The following VRK3 variants were observed in gnomAD, a reference collection of about 807,000 sequenced individuals.
VRK3 encodes serine/threonine-protein kinase VRK3.
Under a neutral mutation model 60.4 loss-of-function variants are expected in VRK3, and 50 were observed. That is an observed-to-expected ratio of 0.83 (90% CI 0.66 to 1.05). The LOEUF is 1.05. VRK3 is among the 50% of genes least tolerant of loss of function. The probability of loss-of-function intolerance (pLI) is 0.00; values close to 1 mark genes in which losing one functional copy is unlikely to be tolerated. For synonymous variants in VRK3, 246 were observed against 227.8 expected, an observed-to-expected ratio of 1.08 and a Z score of -0.72; for missense variants, 549 against 585.3, an observed-to-expected ratio of 0.94 and a Z score of 0.64.
intron 3 of VRK3, among the ~76,000 whole-genome samples, chr19:50,009,967 T>C (rs971273603): frequency 7.2e-5 from 11 of 152,086 alleles, no homozygotes; most frequent in Non-Finnish European, 1.5e-4. Context: ...TTAAAATCTA[T>C]CTTCCAGTTA....
At chr19:50,009,685 G>C (rs1414734761) in intron 3 of VRK3, among the ~76,000 whole-genome samples, 1 of 152,116 alleles carries the variant, frequency 6.6e-6, no homozygotes, top group African/African-American at 2.4e-5. Context: ...CCAGGCTGGA[G>C]TGCAGTGGTG....
intron 5 of VRK3, chr19:50,001,176 G>T (rs1041190888): frequency 3.9e-6 from 1 of 255,000 alleles, no homozygotes; most frequent in Non-Finnish European, 7.6e-6. Flanking sequence ...TAAACTGCTT[G>T]TGCAATCACT....
chr19:49,981,912 G>C (rs1055728789), intron 12 of VRK3: 1 of 845,068 alleles, frequency 1.2e-6, no homozygotes, highest in Non-Finnish European at 1.7e-6. Context: ...AAGCAGGCTC[G>C]ACTTCAGGAG....
rs759981552 is a variant in VRK3, at chr19:49,997,486, C to A, written c.679+18G>T. The stretch of plus-strand genomic sequence containing the variant: ...CCCCCCTCACTCTCCCCTCCTTGCC[C>A]AGTTCCCTGTCAGGTACCTTGCAGA... On this transcript the variant is annotated intron_variant, in intron 7 of 14. Coordinates refer to ENST00000316763, the MANE Select transcript of VRK3 (RefSeq NM_016440.4). The A allele has an allele frequency of 6.2e-7, 1 of 1,613,466 alleles. No homozygotes were observed. Among genetic ancestry groups the A allele is most frequent in the South Asian group, 1.1e-5 (1 of 90,980 alleles).
rs538087474 is a variant in VRK3, at chr19:50,014,928, G to A, written c.139+1096C>T. ...GCAAGAAGGCTTCTGCATAAGAGAG[G>A]TGAGGACCAGGGATGTGGGAGGTGC... On this transcript the variant is annotated intron_variant, in intron 3 of 14. Coordinates refer to ENST00000316763, the MANE Select transcript of VRK3 (RefSeq NM_016440.4). 7.9e-5 allele frequency among the ~76,000 whole-genome samples: 12 copies of A among 152,272 alleles called. No individual in the cohort carries two copies. In the South Asian group the frequency reaches 2.3e-3, roughly 29 times the overall value.
chr19:50,000,743 G>C lies in VRK3; in HGVS notation c.612+47C>G, dbSNP rs1266984516. ...GCTCAGAAGTCAAGGATGTGTTTGT[G>C]AAAGTCCCTCCCCTCCAAGCTGCCC... On this transcript the variant is annotated intron_variant, in intron 6 of 14. Transcript: ENST00000316763. 3 of 1,569,036 alleles carry C rather than the reference G, an allele frequency of 1.9e-6. No individual in the cohort carries two copies. The African/African-American group carries it at 4.1e-5, about 21-fold the overall frequency.
intron 12 of VRK3, chr19:49,981,321 T>C (rs557821312): frequency 1.2e-5 from 4 of 336,612 alleles, no homozygotes; most frequent in East Asian, 6.2e-5. Context: ...CCGAGGGGGG[T>C]GGATCACGAG....
chr19:49,985,719 AT>A (rs1421457924), intron 12 of VRK3, among the ~76,000 whole-genome samples: 3 of 152,160 alleles, frequency 2.0e-5, no homozygotes, highest in African/African-American at 7.2e-5. Context: ...TGTCTTACTC[AT>A]TCCTGTATCC....
intron 9 of VRK3, 146 bp from the exon 10 acceptor site, chr19:49,993,098 A>T: frequency 1.6e-6 from 1 of 634,832 alleles, no homozygotes; most frequent in Non-Finnish European, 2.7e-6. Context: ...AATCCGGGGT[A>T]GCATGAGGAG....
intron 12 of VRK3, among the ~76,000 whole-genome samples, chr19:49,986,102 C>G (rs10408871): frequency 0.053 from 7,998 of 152,310 alleles, 696 homozygotes; most frequent in African/African-American, 0.18. Context: ...ACATCCCCTT[C>G]TCTGAAGGAG....
At chr19:49,978,950 C>G in intron 14 of VRK3, 133 bp downstream of exon 14, 1 of 957,746 alleles carries the variant, frequency 1.0e-6, no homozygotes, top group South Asian at 2.0e-5. Context: ...TGCGGAAAAA[C>G]CCAGTGTCTC....
chr19:50,009,443 A>G (rs1242702610), intron 3 of VRK3, 58 bp from the exon 4 acceptor site: 2 of 1,595,018 alleles, frequency 1.3e-6, no homozygotes, highest in Non-Finnish European at 1.7e-6. Flanking sequence ...TGCAGGCACC[A>G]TTGGACTGGG....
Position 50,016,079 on chromosome 19 carries a change from T to C in VRK3, c.84A>G (p.Val28=). ...AGGTCTGGGACCCTACATGCTCCTC[T>C]ACAGGCAAAGAATTTCCACAGTAGG... ...FCPYCGNSLP[V]EEHVGSQTFV... is the part of the protein sequence containing the mutation. Residue 28 remains valine, a synonymous_variant, in exon 3 of 15, where the codon GTA becomes GTG. Coordinates refer to ENST00000316763, the MANE Select transcript of VRK3 (RefSeq NM_016440.4). The C allele has an allele frequency of 2.5e-6, 4 of 1,614,228 alleles. No homozygotes were observed. Among genetic ancestry groups the C allele is most frequent in the Non-Finnish European group, 3.4e-6 (4 of 1,180,046 alleles).
Position 50,019,674 on chromosome 19 carries a change from CTTTTTTTTTTTTTTTTTTTTTTTT to C in VRK3, c.-2+887_-2+910del, listed in dbSNP as rs568877003. On this transcript the variant is annotated intron_variant, in intron 2 of 14. Transcript: ENST00000316763. ...ACAGGCATGTGCCACCATGCCTGGC[CTTTTTTTTTTTTTTTTTTTTTTTT>C]TTTTTTTTTTTTTTTACTTTTTGTA... Among the ~76,000 whole-genome samples, 167 of 45,022 alleles carry C rather than the reference CTTTTTTTTTTTTTTTTTTTTTTTT, an allele frequency of 3.7e-3. 3 individuals are homozygous for C. Among genetic ancestry groups the C allele is most frequent in the African/African-American group, 7.2e-3 (106 of 14,812 alleles). 29.5% of individuals were successfully genotyped at this position (45,022 alleles called of 152,430 possible).
intron 12 of VRK3, among the ~76,000 whole-genome samples, chr19:49,982,756 C>T (rs911973511): frequency 1.3e-5 from 2 of 152,170 alleles, no homozygotes; most frequent in African/African-American, 4.8e-5. Flanking sequence ...TGTACATACA[C>T]ACACATACAC....
At chr19:49,993,250 T>C (rs1416382408) in intron 9 of VRK3, among the ~76,000 whole-genome samples, 1 of 152,238 alleles carries the variant, frequency 6.6e-6, no homozygotes, top group African/African-American at 2.4e-5. Flanking sequence ...GGGGTTAATG[T>C]CTCTCTGCAA....
rs762726648 is a variant in VRK3 at position 49,981,021 on chromosome 19, G to A, written c.1218-8C>T. 2 of 1,611,860 alleles carry A rather than the reference G, an allele frequency of 1.2e-6. 1 individual carries two copies. Among genetic ancestry groups the A allele is most frequent in the Admixed American group, 3.3e-5 (2 of 59,740 alleles). On this transcript the variant is annotated splice_region_variant and splice_polypyrimidine_tract_variant and intron_variant, in intron 12 of 14. Transcript: ENST00000316763. ...CCCGGCTTATCAACAAACCTGAAGG[G>A]ACAGAAACACATGTGAAAGGTCTCT...
intron 1 of VRK3, chr19:50,024,994 T>G (rs1327216359): frequency 6.6e-6 from 1 of 152,200 alleles, no homozygotes; most frequent in East Asian, 1.9e-4. Context: ...ACGGGATGAC[T>G]TAGACGCCAA....
chr19:49,992,746 T>C (rs978177779), intron 10 of VRK3, 114 bp downstream of exon 10: 1 of 935,938 alleles, frequency 1.1e-6, no homozygotes, highest in Non-Finnish European at 1.6e-6. Context: ...TCTTTATATA[T>C]GATGGACAGC....
Sources: allele counts gnomAD v4.1 joint callset (sites outside exome capture counted in the v4.1 genomes callset), GRCh38; gene constraint gnomAD v4.1.1; transcripts MANE v1.5; gene names NCBI Gene and HGNC (gene_info 2026-07-23, HGNC 2026-07-21).